PLS3: variants seen among roughly 807,000 people sequenced by gnomAD.
PLS3 encodes the protein plastin 3, also known as plastin-3.
A neutral mutation model predicts 46.5 loss-of-function variants in PLS3; 11 were observed. The observed-to-expected ratio is 0.24, with a 90% CI of 0.15 to 0.39. The LOEUF is 0.39. PLS3 is among the 10% of genes least tolerant of loss of function. The pLI, the probability that PLS3 is intolerant of heterozygous loss-of-function variation, is 1.00. For synonymous variants in PLS3, 167 were observed against 162.2 expected, an observed-to-expected ratio of 1.03 and a Z score of -0.22; for missense variants, 308 against 461.8, an observed-to-expected ratio of 0.67 and a Z score of 3.05.
intron 5 of PLS3, among the ~76,000 whole-genome samples, chrX:115,630,971 A>T (rs1400844455): frequency 1.0e-5 from 1 of 97,738 alleles, no homozygotes; most frequent in South Asian, 4.2e-4. Context: ...TATTATACAT[A>T]TATGTTATAT....
chrX:115,604,199 C>T (rs2074470194), intron 1 of PLS3, among the ~76,000 whole-genome samples: 1 of 111,515 alleles, frequency 9.0e-6, no homozygotes, highest in Non-Finnish European at 1.9e-5. Flanking sequence ...ATGAGGGAGA[C>T]CTATTATACT....
At chrX:115,595,814 G>GAGT (rs1351949454) in intron 1 of PLS3, among the ~76,000 whole-genome samples, 1 of 105,212 alleles carries the variant, frequency 9.5e-6, no homozygotes, top group Non-Finnish European at 1.9e-5. Context: ...TCAGCCTCCC[G>GAGT]AGTAGCTGGG....
intron 8 of PLS3, chrX:115,639,964 A>G (rs1556640789): frequency 4.4e-6 from 2 of 452,986 alleles, no homozygotes; most frequent in Non-Finnish European, 7.6e-6. Flanking sequence ...AATTAAATAC[A>G]TCTTTAACAT....
chrX:115,594,666 TCTCACACACA>T (rs1484702326), intron 1 of PLS3, among the ~76,000 whole-genome samples: 5 of 102,897 alleles, frequency 4.9e-5, no homozygotes, highest in African/African-American at 2.0e-4. Context: ...TCTCTCTCTC[TCTCACACACA>T]CACACACACA....
chrX:115,579,144 T>C (rs1319743615), intron 1 of PLS3, among the ~76,000 whole-genome samples: 2 of 112,371 alleles, frequency 1.8e-5, no homozygotes, highest in Non-Finnish European at 1.9e-5. Flanking sequence ...AAATATTATA[T>C]AAATGGAATG....
chrX:115,562,118 G>A (rs1164768924), intron 1 of PLS3, among the ~76,000 whole-genome samples: 1 of 110,139 alleles, frequency 9.1e-6, no homozygotes, highest in Non-Finnish European at 1.9e-5. Context: ...GCGACGGGAG[G>A]GAGGTAATAG....
chrX:115,635,937 C>T (rs916405798), intron 7 of PLS3, among the ~76,000 whole-genome samples: 20 of 109,297 alleles, frequency 1.8e-4, no homozygotes, highest in African/African-American at 6.3e-4. Flanking sequence ...TTGCAGCGAG[C>T]CGAGATCATG....
In PLS3 at chrX:115,647,955, T is replaced by C; in HGVS notation, c.1698T>C (p.Cys566=). The part of the protein sequence containing the change: ...VDLIDAIQPG[C]INYDLVKSGN... ...TAATTGATGCCATCCAGCCAGGCTG[T>C]ATAAACTATGACCTTGTGAAGAGTG... is the stretch of plus-strand genomic sequence containing the variant. Residue 566 remains cysteine, a synonymous_variant, in exon 15 of 16, where the codon TGT becomes TGC. Coordinates refer to ENST00000355899, the MANE Select transcript of PLS3 (RefSeq NM_005032.7). 8.3e-7 allele frequency: 1 copy of C among 1,208,665 alleles called. No individual in the cohort carries two copies. Among genetic ancestry groups the C allele is most frequent in the Non-Finnish European group, 1.1e-6 (1 of 892,707 alleles).
chrX:115,571,655 G>A (rs897789505), intron 1 of PLS3, among the ~76,000 whole-genome samples: 1 of 112,089 alleles, frequency 8.9e-6, no homozygotes, highest in African/African-American at 3.2e-5. Context: ...ACTCAAGGCC[G>A]CTAACAAATA....
At chrX:115,596,958 A>C (rs1370092357) in intron 1 of PLS3, among the ~76,000 whole-genome samples, 2 of 109,334 alleles carry the variant, frequency 1.8e-5, no homozygotes, top group African/African-American at 6.7e-5. Flanking sequence ...CAGCCTGATC[A>C]ACCTGGTGAA....
At chrX:115,605,226 T>C (rs1435615148) in intron 1 of PLS3, among the ~76,000 whole-genome samples, 1 of 112,037 alleles carries the variant, frequency 8.9e-6, no homozygotes, top group Non-Finnish European at 1.9e-5. Context: ...TATGTGCATG[T>C]TCCAATTCCT....
intron 1 of PLS3, among the ~76,000 whole-genome samples, chrX:115,573,773 G>A (rs1275043699): frequency 1.8e-5 from 2 of 110,510 alleles, no homozygotes; most frequent in Non-Finnish European, 3.8e-5. Flanking sequence ...GCATGATTTC[G>A]GCTCACTGCA....
At chrX:115,643,713 G>A (rs1321914103) in intron 10 of PLS3, among the ~76,000 whole-genome samples, 1 of 112,187 alleles carries the variant, frequency 8.9e-6, no homozygotes, top group Non-Finnish European at 1.9e-5. Context: ...GCTCACAGCT[G>A]TAATCCCAGC....
intron 1 of PLS3, among the ~76,000 whole-genome samples, chrX:115,609,297 CATAA>C (rs2074525310): frequency 9.0e-6 from 1 of 110,592 alleles, no homozygotes; most frequent in Non-Finnish European, 1.9e-5. Context: ...AGGTTCAGAT[CATAA>C]ATATTGTGTG....
chrX:115,583,726 G>C (rs782454914), intron 1 of PLS3, among the ~76,000 whole-genome samples: 1 of 112,177 alleles, frequency 8.9e-6, no homozygotes, highest in Non-Finnish European at 1.9e-5. Context: ...TCTTAGACTA[G>C]GGCAGGCTGG....
chrX:115,635,192 T>C (rs1182346150), intron 7 of PLS3, 146 bp downstream of exon 7: 5 of 462,698 alleles, frequency 1.1e-5, no homozygotes, highest in Non-Finnish European at 1.8e-5. Context: ...TTCAGGAAAA[T>C]AGCCTAATTA....
At chrX:115,586,146 C>T (rs1465394366) in intron 1 of PLS3, among the ~76,000 whole-genome samples, 10 of 107,555 alleles carry the variant, frequency 9.3e-5, no homozygotes, top group Non-Finnish European at 1.5e-4. Flanking sequence ...CCACCACACC[C>T]GGCTAATTTT....
chrX:115,631,887 T>C (rs2074780260), intron 5 of PLS3, among the ~76,000 whole-genome samples: 1 of 111,103 alleles, frequency 9.0e-6, no homozygotes, highest in African/African-American at 3.3e-5. Context: ...CACTGCATCC[T>C]CCACCTCCCA....
intron 1 of PLS3, among the ~76,000 whole-genome samples, chrX:115,590,456 C>T (rs1016341375): frequency 9.0e-6 from 1 of 111,258 alleles, no homozygotes; most frequent in African/African-American, 3.3e-5. Context: ...CACCCACACA[C>T]ACCTCGGATG....
Sources: gnomAD v4.1 joint callset for allele counts (sites outside exome capture counted in the v4.1 genomes callset) on GRCh38, gnomAD v4.1.1 for gene constraint, MANE v1.5 for transcripts, NCBI Gene and HGNC (gene_info 2026-07-23, HGNC 2026-07-21) for gene names.